LINGO2: variants seen among roughly 807,000 people sequenced by gnomAD.
LINGO2 encodes the protein leucine-rich repeat and immunoglobulin-like domain-containing nogo receptor-interacting protein 2.
A neutral mutation model predicts 30.6 loss-of-function variants in LINGO2; 14 were observed. That is an observed-to-expected ratio of 0.46 (90% CI 0.30 to 0.72). The LOEUF (loss-of-function observed/expected upper bound fraction) is 0.72. Among genes scored for constraint, LINGO2 ranks in the 30% least tolerant of loss-of-function variants. The pLI is 0.07. For synonymous variants in LINGO2, 317 were observed against 288.5 expected (o/e 1.10, Z -1.00); for missense variants, 729 against 751.7 (o/e 0.97, Z 0.35).
chr9:28,237,279 A>G (rs1276219113), intron 4 of LINGO2, among the ~76,000 whole-genome samples: 1 of 152,154 alleles, frequency 6.6e-6, no homozygotes, highest in Non-Finnish European at 1.5e-5. Context: ...AAAGCATACA[A>G]TAGATATACA....
At chr9:28,922,435 A>T in the LINGO2 span, among the ~76,000 whole-genome samples, 1 of 152,132 alleles carries the variant, frequency 6.6e-6, no homozygotes, top group Non-Finnish European at 1.5e-5. Flanking sequence ...AGTTTCAATG[A>T]GTTATTTAAG....
chr9:28,350,905 T>C (rs1193660159), intron 3 of LINGO2, among the ~76,000 whole-genome samples: 1 of 151,556 alleles, frequency 6.6e-6, no homozygotes, highest in Non-Finnish European at 1.5e-5. Context: ...GACTACTGGG[T>C]ACATAATGAA....
intron 4 of LINGO2, among the ~76,000 whole-genome samples, chr9:28,174,900 G>GTA (rs1564018745): frequency 1.3e-5 from 1 of 77,992 alleles, no homozygotes; most frequent in African/African-American, 4.0e-5. Context: ...TTGTGTCTCT[G>GTA]TGTGTGTGTG....
chr9:28,169,947 TACA>T (rs1828535539), intron 4 of LINGO2, among the ~76,000 whole-genome samples: 1 of 152,182 alleles, frequency 6.6e-6, no homozygotes, highest in African/African-American at 2.4e-5. Flanking sequence ...TATTTAAGGT[TACA>T]TCCCTTTTGA....
chr9:28,834,076 T>C, the LINGO2 span, among the ~76,000 whole-genome samples: 2 of 152,058 alleles, frequency 1.3e-5, no homozygotes, highest in African/African-American at 4.8e-5. Flanking sequence ...CTCTACTTAG[T>C]GCATGGTAGA....
chr9:28,201,506 C>G (rs910585233), intron 4 of LINGO2, among the ~76,000 whole-genome samples: 1 of 149,970 alleles, frequency 6.7e-6, no homozygotes, highest in Non-Finnish European at 1.5e-5. Flanking sequence ...GGTTCCAAGT[C>G]TTTGCTATTG....
At chr9:28,586,495 T>G (rs193046252) in intron 1 of LINGO2, among the ~76,000 whole-genome samples, 1 of 152,084 alleles carries the variant, frequency 6.6e-6, no homozygotes, top group African/African-American at 2.4e-5. Flanking sequence ...TATCATAATA[T>G]TGAATAATGT....
the LINGO2 span, among the ~76,000 whole-genome samples, chr9:28,927,819 C>A: frequency 6.6e-6 from 1 of 152,182 alleles, no homozygotes; most frequent in African/African-American, 2.4e-5. Flanking sequence ...TTATCATCCA[C>A]ATTTTACAGA....
intron 1 of LINGO2, among the ~76,000 whole-genome samples, chr9:28,540,780 G>A (rs1294664600): frequency 1.3e-5 from 2 of 152,164 alleles, no homozygotes; most frequent in African/African-American, 4.8e-5. Context: ...TAGAAGATTA[G>A]ATGTGTGTTG....
chr9:27,962,212 AGATTC>A (rs1056416341), intron 5 of LINGO2, among the ~76,000 whole-genome samples: 1 of 151,494 alleles, frequency 6.6e-6, no homozygotes, highest in Non-Finnish European at 1.5e-5. Context: ...CGTTTTTTAT[AGATTC>A]CACTGGAGAG....
chr9:27,968,364 A>G (rs2118711208), intron 5 of LINGO2, among the ~76,000 whole-genome samples: 1 of 152,204 alleles, frequency 6.6e-6, no homozygotes, highest in East Asian at 1.9e-4. Context: ...CAAATGGACT[A>G]TTATGCAGGA....
chr9:28,071,348 C>A (rs548171316), intron 4 of LINGO2, among the ~76,000 whole-genome samples: 4 of 152,016 alleles, frequency 2.6e-5, no homozygotes, highest in African/African-American at 9.7e-5. Context: ...TTTCTCATTT[C>A]TCTTTATAGT....
At chr9:28,380,859 T>C (rs1350590455) in intron 2 of LINGO2, among the ~76,000 whole-genome samples, 1 of 152,074 alleles carries the variant, frequency 6.6e-6, no homozygotes, top group Non-Finnish European at 1.5e-5. Context: ...CAGACATGAA[T>C]GTGTATTTCA....
At chr9:29,087,029 C>T in the LINGO2 span, among the ~76,000 whole-genome samples, 19 of 152,120 alleles carry the variant, frequency 1.2e-4, no homozygotes, top group African/African-American at 4.1e-4. Context: ...GTGCCTGCCA[C>T]CACACCCCAT....
intron 4 of LINGO2, among the ~76,000 whole-genome samples, chr9:28,276,405 T>G (rs1296441875): frequency 6.6e-6 from 1 of 152,170 alleles, no homozygotes; most frequent in Non-Finnish European, 1.5e-5. Flanking sequence ...TAAGAAACTT[T>G]CCTTCATTAC....
chr9:29,140,026 T>C, the LINGO2 span, among the ~76,000 whole-genome samples: 1 of 152,082 alleles, frequency 6.6e-6, no homozygotes, highest in African/African-American at 2.4e-5. Flanking sequence ...CTAGACAACA[T>C]GCATCCACAG....
the LINGO2 span, among the ~76,000 whole-genome samples, chr9:29,127,224 T>C: frequency 6.6e-6 from 1 of 152,130 alleles, no homozygotes. Context: ...GCATGTACTC[T>C]GAAATCTGTG....
intron 1 of LINGO2, among the ~76,000 whole-genome samples, chr9:28,480,079 C>T (rs538925736): frequency 6.0e-5 from 9 of 150,694 alleles, no homozygotes; most frequent in Admixed American, 2.7e-4. Context: ...GGTTCATTTA[C>T]GTTTACAAGG....
chr9:29,160,565 T>C, the LINGO2 span, among the ~76,000 whole-genome samples: 1 of 152,306 alleles, frequency 6.6e-6, no homozygotes, highest in East Asian at 1.9e-4. Flanking sequence ...TTTCTCTAAA[T>C]TAGGCCAACA....
Sources: allele counts gnomAD v4.1 joint callset (sites outside exome capture counted in the v4.1 genomes callset), GRCh38; gene constraint gnomAD v4.1.1; transcripts MANE v1.5; gene names NCBI Gene and HGNC (gene_info 2026-07-23, HGNC 2026-07-21).